EXPH5: variants seen among roughly 807,000 people sequenced by gnomAD.
EXPH5 encodes exophilin 5.
EXPH5 carries 42 observed loss-of-function variants against 41.1 expected under a neutral mutation model. The ratio of observed to expected loss-of-function variants is 1.02; its 90% confidence interval spans 0.80 to 1.32. EXPH5 has a LOEUF of 1.32. EXPH5 is among the 40% of genes most tolerant of loss of function. The probability of loss-of-function intolerance (pLI) is 0.00; values close to 1 mark genes in which losing one functional copy is unlikely to be tolerated. For synonymous variants in EXPH5, 798 were observed against 833.5 expected, an observed-to-expected ratio of 0.96 and a Z score of 0.73; for missense variants, 2,298 against 2,314.5, an observed-to-expected ratio of 0.99 and a Z score of 0.15.
chr11:108,538,919 T>C lies in EXPH5; in HGVS notation c.443+105A>G, dbSNP rs1331072346. ...TCCTTTGTTCTTAATACCAATTGAA[T>C]TGAAATTCTAAGAACAAACATTAAA... On this transcript the variant is annotated intron_variant, in intron 3 of 5. Coordinates refer to ENST00000265843, the MANE Select transcript of EXPH5 (RefSeq NM_015065.3). 5.7e-6 allele frequency: 6 copies of C among 1,047,388 alleles called. No individual in the cohort carries two copies. In the African/African-American group the frequency reaches 8.0e-5, roughly 14 times the overall value. 64.9% of individuals were successfully genotyped at this position (1,047,388 alleles called of 1,614,324 possible).
At chr11:108,580,560 T>G (rs542226284) in intron 1 of EXPH5, among the ~76,000 whole-genome samples, 1 of 152,318 alleles carries the variant, frequency 6.6e-6, no homozygotes, top group South Asian at 2.1e-4. Flanking sequence ...CTGCTGGGTA[T>G]ACCCAAAAGA....
intron 1 of EXPH5, among the ~76,000 whole-genome samples, chr11:108,542,067 A>G (rs757266077): frequency 9.9e-5 from 15 of 152,070 alleles, no homozygotes; most frequent in Admixed American, 3.3e-4. Context: ...TTTAGTAGAG[A>G]TGGGGTTTCA....
At chr11:108,527,850 C>A (rs1237061233) in intron 4 of EXPH5, among the ~76,000 whole-genome samples, 1 of 152,176 alleles carries the variant, frequency 6.6e-6, no homozygotes, top group African/African-American at 2.4e-5. Context: ...CTCTGCCCAA[C>A]ACCTCAGGGC....
chr11:108,518,144 CAT>C (rs2093739054), intron 5 of EXPH5, 89 bp downstream of exon 5: 1 of 1,163,674 alleles, frequency 8.6e-7, no homozygotes, highest in Non-Finnish European at 1.2e-6. Context: ...TACAGTGTTT[CAT>C]ATGTTTTGAG....
At chr11:108,557,753 A>T (rs1391073395) in intron 1 of EXPH5, among the ~76,000 whole-genome samples, 1 of 152,114 alleles carries the variant, frequency 6.6e-6, no homozygotes, top group Non-Finnish European at 1.5e-5. Flanking sequence ...AACATAAACT[A>T]CAAGCATGAG....
rs182235902 is a variant in EXPH5 at position 108,516,291 on chromosome 11, A to C, written c.632-1416T>G. Among the ~76,000 whole-genome samples, 187 of 152,272 alleles carry C rather than the reference A, an allele frequency of 1.2e-3. 1 individual carries two copies. The highest frequency in any genetic ancestry group is 4.1e-3 in the African/African-American group (172 of 41,552). ...CTTACGATAACTGAAGACCTAGACCAAGCCCAGACCCAGGGCTCATGCTCT... is the reference window on the plus strand; with the variant it reads ...CTTACGATAACTGAAGACCTAGACCCAGCCCAGACCCAGGGCTCATGCTCT... On this transcript the variant is annotated intron_variant, in intron 5 of 5. Transcript: ENST00000265843.
rs28379246 is a variant in EXPH5, at chr11:108,541,197, C to T, written c.280+455G>A. On this transcript the variant is annotated intron_variant, in intron 2 of 5. Transcript: ENST00000265843. ...TGGGATTGCAAGTGTGAGCCACCCCCGACCCCCTGCCCAGCTTAATACATT... is the reference window on the plus strand; with the variant it reads ...TGGGATTGCAAGTGTGAGCCACCCCTGACCCCCTGCCCAGCTTAATACATT... Among the ~76,000 whole-genome samples the T allele has an allele frequency of 8.1e-4, 123 of 152,148 alleles. 1 individual carries two copies. The highest frequency in any genetic ancestry group is 2.4e-3 in the African/African-American group (98 of 41,528).
intron 3 of EXPH5, chr11:108,538,293 A>C (rs1272102947): frequency 9.2e-6 from 9 of 978,362 alleles, no homozygotes; most frequent in Non-Finnish European, 1.1e-5. Context: ...GAAGCTTTGA[A>C]ACCAGGAAGA....
intron 1 of EXPH5, among the ~76,000 whole-genome samples, chr11:108,577,460 G>A (rs185487304): frequency 6.3e-4 from 95 of 151,548 alleles, no homozygotes; most frequent in African/African-American, 2.2e-3. Flanking sequence ...ATTTACTCTT[G>A]TTGCCCAGGC....
intron 1 of EXPH5, among the ~76,000 whole-genome samples, chr11:108,573,160 GA>G (rs1488788923): frequency 2.2e-5 from 3 of 137,076 alleles, no homozygotes; most frequent in African/African-American, 5.8e-5. Flanking sequence ...AAGAAAGAAA[GA>G]AAGAAAGAAA....
chr11:108,601,615 T>A, the EXPH5 span, among the ~76,000 whole-genome samples: 1 of 152,194 alleles, frequency 6.6e-6, no homozygotes, highest in Non-Finnish European at 1.5e-5. Flanking sequence ...AATAGTAAAA[T>A]CTATGAAAAC....
At chr11:108,602,175 A>C in the EXPH5 span, among the ~76,000 whole-genome samples, 1 of 152,210 alleles carries the variant, frequency 6.6e-6, no homozygotes, top group Non-Finnish European at 1.5e-5. Flanking sequence ...ACACTACTGT[A>C]TCCTGCATCC....
At chr11:108,564,534 T>C (rs2094026345) in intron 1 of EXPH5, among the ~76,000 whole-genome samples, 2 of 152,200 alleles carry the variant, frequency 1.3e-5, no homozygotes, top group Non-Finnish European at 2.9e-5. Flanking sequence ...TCCCCTCTCG[T>C]TGGAGTTATT....
At chr11:108,577,416 T>G (rs2094083445) in intron 1 of EXPH5, among the ~76,000 whole-genome samples, 1 of 152,056 alleles carries the variant, frequency 6.6e-6, no homozygotes, top group East Asian at 1.9e-4. Context: ...TTTATTTTAT[T>G]TATTTATTTT....
intron 1 of EXPH5, among the ~76,000 whole-genome samples, chr11:108,573,925 G>T (rs148320908): frequency 1.3e-5 from 2 of 151,868 alleles, no homozygotes; most frequent in African/African-American, 4.8e-5. Flanking sequence ...TTTTTGAGAC[G>T]GAGTCTCACT....
intron 1 of EXPH5, among the ~76,000 whole-genome samples, chr11:108,587,639 A>G (rs1311549578): frequency 2.0e-5 from 3 of 152,238 alleles, no homozygotes; most frequent in Non-Finnish European, 4.4e-5. Context: ...CAAGTTATTT[A>G]TTTTTTAAAA....
At chr11:108,545,623 G>C (rs1302983747) in intron 1 of EXPH5, among the ~76,000 whole-genome samples, 1 of 152,072 alleles carries the variant, frequency 6.6e-6, no homozygotes, top group Non-Finnish European at 1.5e-5. Flanking sequence ...AGTAAATAAG[G>C]CTGAGTGTGG....
At chr11:108,540,822 A>C (rs1591714683) in intron 2 of EXPH5, among the ~76,000 whole-genome samples, 2 of 146,876 alleles carry the variant, frequency 1.4e-5, no homozygotes, top group Non-Finnish European at 3.0e-5. Context: ...CCCTTCCTCC[A>C]CCCCTCCCCT....
chr11:108,569,042 C>A (rs1273963972), intron 1 of EXPH5, among the ~76,000 whole-genome samples: 1 of 152,146 alleles, frequency 6.6e-6, no homozygotes, highest in Non-Finnish European at 1.5e-5. Flanking sequence ...CCCCAGCTCA[C>A]TCTTTTGCTT....
Sources: allele counts gnomAD v4.1 joint callset (sites outside exome capture counted in the v4.1 genomes callset), GRCh38; gene constraint gnomAD v4.1.1; transcripts MANE v1.5; gene names NCBI Gene and HGNC (gene_info 2026-07-23, HGNC 2026-07-21).